The following GRID2 variants were observed in gnomAD, a reference collection of about 807,000 sequenced individuals.
GRID2 encodes glutamate ionotropic receptor delta type subunit 2, also known as glutamate receptor ionotropic, delta-2.
GRID2 carries 33 observed loss-of-function variants against 114.8 expected under a neutral mutation model. The observed-to-expected ratio is 0.29, with a 90% CI of 0.22 to 0.38. GRID2 has a LOEUF of 0.38. GRID2 is among the 10% of genes least tolerant of loss of function. The probability of loss-of-function intolerance (pLI) is 1.00; values close to 1 mark genes in which losing one functional copy is unlikely to be tolerated. For missense variants in GRID2, 1,184 were observed against 1,257.7 expected, an observed-to-expected ratio of 0.94 and a Z score of 0.89; for synonymous variants, 505 against 449.9, an observed-to-expected ratio of 1.12 and a Z score of -1.55.
intron 2 of GRID2, among the ~76,000 whole-genome samples, chr4:92,628,272 C>T (rs925678601): frequency 2.0e-5 from 3 of 152,098 alleles, no homozygotes; most frequent in African/African-American, 7.2e-5. Flanking sequence ...AGAGCATTCT[C>T]CTCTTATGTG....
intron 1 of GRID2, among the ~76,000 whole-genome samples, chr4:92,478,697 A>C (rs1722435889): frequency 6.6e-6 from 1 of 152,120 alleles, no homozygotes; most frequent in Non-Finnish European, 1.5e-5. Context: ...TAAATGGCTT[A>C]CCTTGGACAC....
At chr4:93,703,252 C>A (rs901451284) in intron 14 of GRID2, among the ~76,000 whole-genome samples, 9 of 151,932 alleles carry the variant, frequency 5.9e-5, no homozygotes, top group Admixed American at 3.9e-4. Flanking sequence ...TAGGAGAGAT[C>A]CATTATTAAA....
intron 1 of GRID2, among the ~76,000 whole-genome samples, chr4:93,789,033 T>G (rs141078150): frequency 8.2e-4 from 125 of 152,300 alleles, no homozygotes; most frequent in African/African-American, 2.9e-3. Context: ...AAATAATCTC[T>G]TTTCTCCTCA....
chr4:92,713,700 G>T (rs1735393891), intron 2 of GRID2, among the ~76,000 whole-genome samples: 1 of 151,448 alleles, frequency 6.6e-6, no homozygotes, highest in Admixed American at 6.6e-5. Context: ...TTCATGTGAT[G>T]GCAGACAAGT....
intron 8 of GRID2, among the ~76,000 whole-genome samples, chr4:93,318,068 TG>T (rs1200880581): frequency 7.0e-6 from 1 of 143,360 alleles, no homozygotes; most frequent in African/African-American, 2.5e-5. Flanking sequence ...AACCTGAGAC[TG>T]GGAAACATCA....
intron 1 of GRID2, among the ~76,000 whole-genome samples, chr4:92,429,718 A>G (rs1324038074): frequency 6.6e-6 from 1 of 152,176 alleles, no homozygotes; most frequent in Non-Finnish European, 1.5e-5. Context: ...AGTCCCCAGC[A>G]GAAGTGTACA....
intron 8 of GRID2, among the ~76,000 whole-genome samples, chr4:93,294,854 C>G (rs755026753): frequency 6.6e-6 from 1 of 152,160 alleles, no homozygotes; most frequent in African/African-American, 2.4e-5. Context: ...GCCACCGTGC[C>G]CAGTTCGTAC....
intron 1 of GRID2, among the ~76,000 whole-genome samples, chr4:92,552,303 T>C (rs558299980): frequency 6.7e-6 from 1 of 149,916 alleles, no homozygotes; most frequent in South Asian, 2.1e-4. Flanking sequence ...AGAAACTTTG[T>C]GAACATTAAA....
chr4:93,613,896 C>A (rs566317359), intron 13 of GRID2, among the ~76,000 whole-genome samples: 1 of 151,416 alleles, frequency 6.6e-6, no homozygotes, highest in Non-Finnish European at 1.5e-5. Flanking sequence ...CAATGGCGGG[C>A]GCCCCTCCCC....
At chr4:93,427,422 C>T (rs1227457034) in intron 10 of GRID2, among the ~76,000 whole-genome samples, 2 of 151,874 alleles carry the variant, frequency 1.3e-5, no homozygotes. Flanking sequence ...TATCTCTGTA[C>T]AAGACAGTAA....
chr4:92,621,193 A>T (rs1329933482), intron 2 of GRID2, among the ~76,000 whole-genome samples: 1 of 151,660 alleles, frequency 6.6e-6, no homozygotes, highest in Admixed American at 6.6e-5. Flanking sequence ...ATTCTTCCTG[A>T]TGTTAGATTA....
intron 9 of GRID2, among the ~76,000 whole-genome samples, chr4:93,396,893 T>C (rs1765383955): frequency 6.6e-6 from 1 of 152,034 alleles, no homozygotes; most frequent in Non-Finnish European, 1.5e-5. Context: ...TGCTAGTTTA[T>C]AGCCTGTTTC....
intron 2 of GRID2, among the ~76,000 whole-genome samples, chr4:92,649,373 C>G (rs1289712182): frequency 6.6e-6 from 1 of 150,468 alleles, no homozygotes; most frequent in African/African-American, 2.4e-5. Flanking sequence ...ACCATGAGCT[C>G]TGATGCCTAA....
At chr4:92,449,673 AC>A (rs1376168241) in intron 1 of GRID2, among the ~76,000 whole-genome samples, 14 of 105,214 alleles carry the variant, frequency 1.3e-4, no homozygotes, top group Non-Finnish European at 2.4e-4. Context: ...ATCTTTTCTT[AC>A]TGATATATAT....
chr4:93,225,197 C>T (rs937348246), intron 7 of GRID2, among the ~76,000 whole-genome samples: 1 of 152,170 alleles, frequency 6.6e-6, no homozygotes, highest in African/African-American at 2.4e-5. Context: ...TTTAATTTAT[C>T]TCATGATAAG....
At chr4:92,371,229 C>A (rs1204442627) in intron 1 of GRID2, among the ~76,000 whole-genome samples, 1 of 152,096 alleles carries the variant, frequency 6.6e-6, no homozygotes, top group Non-Finnish European at 1.5e-5. Context: ...AGCAGGTTAT[C>A]CAGAAGACAT....
At position 92,305,659 on chromosome 4, in the gene GRID2, T is replaced by C. The variant is rs1282932193; in HGVS notation, c.88+915T>C. Among the ~76,000 whole-genome samples, 3 of 152,120 alleles carry C rather than the reference T, an allele frequency of 2.0e-5. No homozygotes were observed. In the South Asian group the frequency reaches 6.2e-4, roughly 32 times the overall value. On this transcript the variant is annotated intron_variant, in intron 1 of 15. Transcript: ENST00000282020. The stretch of plus-strand genomic sequence containing the variant: ...CCGAGATGCTGGTGGCCCCACCTAT[T>C]GGCAACCAGACGGGCCGGGACTGGC...
intron 4 of GRID2, among the ~76,000 whole-genome samples, chr4:93,125,596 A>T (rs890973768): frequency 1.3e-5 from 2 of 152,130 alleles, no homozygotes; most frequent in Non-Finnish European, 2.9e-5. Flanking sequence ...GCAAAAGTAA[A>T]TTGCCATTTA....
intron 8 of GRID2, among the ~76,000 whole-genome samples, chr4:93,286,721 ATGTT>A (rs778672063): frequency 3.1e-4 from 44 of 141,006 alleles, no homozygotes; most frequent in Non-Finnish European, 5.1e-4. Flanking sequence ...GTGTGTGTGT[ATGTT>A]CCCACATTAG....
Sources: allele counts gnomAD v4.1 joint callset (sites outside exome capture counted in the v4.1 genomes callset), GRCh38; gene constraint gnomAD v4.1.1; transcripts MANE v1.5; gene names NCBI Gene and HGNC (gene_info 2026-07-23, HGNC 2026-07-21).